The following SH3GLB1 variants were observed in gnomAD, a reference collection of about 807,000 sequenced individuals.
SH3GLB1 encodes SH3 domain containing GRB2 like, endophilin B1.
SH3GLB1 carries 17 observed loss-of-function variants against 42.0 expected under a neutral mutation model. The observed-to-expected ratio is 0.40, with a 90% CI of 0.28 to 0.61. SH3GLB1 has a LOEUF of 0.61. SH3GLB1 is among the 20% of genes least tolerant of loss of function. SH3GLB1 has a pLI of 0.36. For missense variants in SH3GLB1, 355 were observed against 426.3 expected, an observed-to-expected ratio of 0.83 and a Z score of 1.47; for synonymous variants, 132 against 146.6, an observed-to-expected ratio of 0.90 and a Z score of 0.72.
chr1:86,719,047 A>G (rs1654714468), intron 2 of SH3GLB1, among the ~76,000 whole-genome samples: 1 of 152,222 alleles, frequency 6.6e-6, no homozygotes, highest in South Asian at 2.1e-4. Flanking sequence ...AGAGAGAGCA[A>G]ATGCTCATGC....
chr1:86,730,078 T>C, intron 5 of SH3GLB1: 1 of 1,592,868 alleles, frequency 6.3e-7, no homozygotes, highest in Non-Finnish European at 8.6e-7. Flanking sequence ...TAATTTTTAA[T>C]GCTGGCTAGA....
At chr1:86,720,141 T>G (rs1026946345) in intron 3 of SH3GLB1, among the ~76,000 whole-genome samples, 15 of 152,192 alleles carry the variant, frequency 9.9e-5, no homozygotes, top group African/African-American at 3.6e-4. Context: ...ATTTAGTTAT[T>G]CAGAGAATTC....
intron 5 of SH3GLB1, among the ~76,000 whole-genome samples, chr1:86,724,892 A>AAATATATATATATATATATATAT (rs1291454820): frequency 2.0e-5 from 2 of 99,684 alleles, no homozygotes; most frequent in African/African-American, 5.4e-5. Flanking sequence ...AAAAAAAAAA[A>AAATATATATATATATATATATAT]ATATATATAT....
chr1:86,705,584 T>C (rs1653813288), intron 1 of SH3GLB1, among the ~76,000 whole-genome samples: 1 of 152,164 alleles, frequency 6.6e-6, no homozygotes, highest in Admixed American at 6.5e-5. Context: ...GTTTTCACTC[T>C]TTTTCAAAAT....
intron 1 of SH3GLB1, among the ~76,000 whole-genome samples, chr1:86,711,513 T>A (rs1337671318): frequency 6.6e-6 from 1 of 152,178 alleles, no homozygotes; most frequent in African/African-American, 2.4e-5. Context: ...AAGAAGATGC[T>A]TATTTACAGT....
chr1:86,734,844 G>A (rs761230517), intron 6 of SH3GLB1, among the ~76,000 whole-genome samples, 153 bp downstream of exon 6: 12 of 152,026 alleles, frequency 7.9e-5, no homozygotes, highest in Non-Finnish European at 1.3e-4. Context: ...TTAAATTGTT[G>A]TTTACATCTT....
In SH3GLB1 at chr1:86,704,843, C is replaced by T. The variant is rs747043697; in HGVS notation, c.-57C>T. 1,042 of 1,268,678 alleles carry T rather than the reference C, an allele frequency of 8.2e-4. 2 individuals are homozygous for T. Among genetic ancestry groups the T allele is most frequent in the Middle Eastern group, 2.5e-3 (13 of 5,100 alleles). The allele number at this position is 1,268,678 out of a possible 1,614,324, so 78.6% of individuals were successfully genotyped here. A position where few individuals can be genotyped will look rare whatever the true frequency, so the allele number is the denominator to read the frequency against. On this transcript the variant is annotated 5_prime_UTR_variant, in exon 1 of 9. Transcript: ENST00000370558. ...CTAGCCCTGCGCCCCAGCCCGGCCGCGGCACCTCCGCCTCGCCGCCGCTAG... is the reference window on the plus strand; with the variant it reads ...CTAGCCCTGCGCCCCAGCCCGGCCGTGGCACCTCCGCCTCGCCGCCGCTAG...
chr1:86,748,117 A>C lies in SH3GLB1; in HGVS notation c.*4882A>C, dbSNP rs1029532545. On this transcript the variant is annotated 3_prime_UTR_variant, in exon 9 of 9. Transcript: ENST00000370558. ...TGCATGATATTCCATCATATGTGCC[A>C]CATTTTATTAAACTACTGTTCAATT... 6.6e-6 allele frequency: 1 copy of C among 152,008 alleles called. No individual in the cohort carries two copies. The highest frequency in any genetic ancestry group is 1.5e-5 in the Non-Finnish European group (1 of 68,028). The allele number at this position is 152,008 out of a possible 1,614,324, so 9.4% of individuals were successfully genotyped here.
At chr1:86,707,116 G>A (rs922923893) in intron 1 of SH3GLB1, among the ~76,000 whole-genome samples, 9 of 152,170 alleles carry the variant, frequency 5.9e-5, no homozygotes, top group Admixed American at 5.2e-4. Context: ...AATACATCAG[G>A]TGGTGATAAA....
chr1:86,711,230 G>A (rs1405659653), intron 1 of SH3GLB1, among the ~76,000 whole-genome samples: 1 of 151,616 alleles, frequency 6.6e-6, no homozygotes, highest in African/African-American at 2.4e-5. Flanking sequence ...TTTATTTGTA[G>A]TCTTTTTTTT....
chr1:86,705,123 C>T, intron 1 of SH3GLB1, 152 bp downstream of exon 1: 2 of 525,706 alleles, frequency 3.8e-6, no homozygotes, highest in South Asian at 5.2e-5. Flanking sequence ...CTGGTCCCCT[C>T]CCCGGGCCCG....
chr1:86,724,892 A>ATATATATATATATATATATATATATAT (rs1553208270), intron 5 of SH3GLB1, among the ~76,000 whole-genome samples: 13 of 99,668 alleles, frequency 1.3e-4, no homozygotes, highest in African/African-American at 4.9e-4. Flanking sequence ...AAAAAAAAAA[A>ATATATATATATATATATATATATATAT]ATATATATAT....
At position 86,726,313 on chromosome 1, in the gene SH3GLB1, C is replaced by T. The variant is rs961503325; in HGVS notation, c.570+1908C>T. ...CTGGAAAAGTTCCAGAAAGCACACACATATAGATTTAACAGTGTACAAAGT... is the reference window on the plus strand; with the variant it reads ...CTGGAAAAGTTCCAGAAAGCACACATATATAGATTTAACAGTGTACAAAGT... On this transcript the variant is annotated intron_variant, in intron 5 of 8. Transcript: ENST00000370558. Among the ~76,000 whole-genome samples the T allele has an allele frequency of 7.9e-5, 12 of 152,018 alleles. No individual in the cohort carries two copies. The East Asian group carries it at 2.1e-3, about 27-fold the overall frequency.
chr1:86,723,663 A>G (rs572299809), intron 4 of SH3GLB1, among the ~76,000 whole-genome samples: 2 of 152,228 alleles, frequency 1.3e-5, no homozygotes, highest in Non-Finnish European at 2.9e-5. Flanking sequence ...ATTCTAAGAT[A>G]CTATACTAAT....
intron 1 of SH3GLB1, among the ~76,000 whole-genome samples, chr1:86,709,208 T>C (rs1361636215): frequency 6.6e-6 from 1 of 152,236 alleles, no homozygotes; most frequent in Non-Finnish European, 1.5e-5. Flanking sequence ...TTAATAAGTT[T>C]GTATGTGCTA....
rs773411127 is a variant in SH3GLB1 at position 86,728,392 on chromosome 1, A to G, written c.570+3987A>G. ...TATAATGTGTTCTTTGTCTCTTACT[A>G]TGCACTTAAGCAACTAAACTCAGCT... On this transcript the variant is annotated intron_variant, in intron 5 of 8. Coordinates refer to ENST00000370558, the MANE Select transcript of SH3GLB1 (RefSeq NM_016009.5). The G allele has an allele frequency of 1.1e-5, 16 of 1,494,514 alleles. No individual in the cohort carries two copies. In the Admixed American group the frequency reaches 1.6e-4, roughly 15 times the overall value. 92.6% of individuals were successfully genotyped at this position (1,494,514 alleles called of 1,614,324 possible).
intron 2 of SH3GLB1, among the ~76,000 whole-genome samples, chr1:86,717,953 C>T (rs974496748): frequency 2.0e-5 from 3 of 151,862 alleles, no homozygotes; most frequent in African/African-American, 7.3e-5. Context: ...ATTAACTGAA[C>T]GAAGTCAGCA....
Position 86,747,161 on chromosome 1 carries a change from A to G in SH3GLB1, c.*3926A>G, listed in dbSNP as rs1438094239. The G allele has an allele frequency of 6.6e-6, 1 of 152,546 alleles. No individual in the cohort carries two copies. The highest frequency in any genetic ancestry group is 1.5e-5 in the Non-Finnish European group (1 of 68,022). The allele number at this position is 152,546 out of a possible 1,614,324, so 9.4% of individuals were successfully genotyped here. ...TTTATAATTTATTTGTTTAGTGTAT[A>G]TCTGTCACTCTAGAATGTAGGCTCC... On this transcript the variant is annotated 3_prime_UTR_variant, in exon 9 of 9. Coordinates refer to ENST00000370558, the MANE Select transcript of SH3GLB1 (RefSeq NM_016009.5).
intron 1 of SH3GLB1, among the ~76,000 whole-genome samples, chr1:86,706,581 G>A (rs1653880356): frequency 6.6e-6 from 1 of 152,130 alleles, no homozygotes; most frequent in Non-Finnish European, 1.5e-5. Context: ...GTGATTGAGG[G>A]TGTGAAATGA....
Sources: allele counts gnomAD v4.1 joint callset (sites outside exome capture counted in the v4.1 genomes callset), GRCh38; gene constraint gnomAD v4.1.1; transcripts MANE v1.5; gene names NCBI Gene and HGNC (gene_info 2026-07-23, HGNC 2026-07-21).